Variants in DCDC2C observed in about 807,000 individuals in gnomAD.
The protein encoded by DCDC2C is doublecortin domain-containing protein 2C.
A neutral mutation model predicts 45.0 loss-of-function variants in DCDC2C; 44 were observed. That is an observed-to-expected ratio of 0.98 (90% CI 0.77 to 1.26). The LOEUF (loss-of-function observed/expected upper bound fraction) is 1.26. Ranked by LOEUF, DCDC2C falls within the 50% of genes most tolerant of loss-of-function variation. The probability of loss-of-function intolerance (pLI) is 0.00; values close to 1 mark genes in which losing one functional copy is unlikely to be tolerated. For synonymous variants in DCDC2C, 187 were observed against 178.8 expected (o/e 1.05, Z -0.37); for missense variants, 447 against 468.9 (o/e 0.95, Z 0.43).
intron 3 of DCDC2C, among the ~76,000 whole-genome samples, chr2:3,740,986 T>C (rs1669189325): frequency 6.6e-6 from 1 of 152,200 alleles, no homozygotes; most frequent in African/African-American, 2.4e-5. Flanking sequence ...CATTTATTAT[T>C]TTTAGACTCG....
chr2:3,830,520 G>A (rs868653927), intron 10 of DCDC2C, among the ~76,000 whole-genome samples: 1 of 152,322 alleles, frequency 6.6e-6, no homozygotes, highest in East Asian at 1.9e-4. Context: ...CAAGGAATTA[G>A]ATGCTCCTTC....
At chr2:3,717,557 C>A (rs1267961512) in intron 2 of DCDC2C, among the ~76,000 whole-genome samples, 1 of 151,580 alleles carries the variant, frequency 6.6e-6, no homozygotes, top group Non-Finnish European at 1.5e-5. Context: ...AGTTTGGTCA[C>A]CTGGAAGGAG....
Position 3,769,038 on chromosome 2 carries a change from A to T in DCDC2C, c.854-273A>T, listed in dbSNP as rs1303884936. 6 of 357,942 alleles carry T rather than the reference A, an allele frequency of 1.7e-5. No individual in the cohort carries two copies. The Admixed American group carries it at 2.3e-4, about 13-fold the overall frequency. 22.2% of individuals were successfully genotyped at this position (357,942 alleles called of 1,614,324 possible). On this transcript the variant is annotated intron_variant, in intron 7 of 10. Coordinates refer to ENST00000399143, the MANE Select transcript of DCDC2C (RefSeq NM_001287444.2). ...CTACCATGGTGGGCACAGCAATTGC[A>T]TGACTTTCAGGGTCCAGGACCTTCA...
intron 3 of DCDC2C, among the ~76,000 whole-genome samples, chr2:3,731,378 C>A (rs770353211): frequency 6.6e-6 from 1 of 152,174 alleles, no homozygotes; most frequent in African/African-American, 2.4e-5. Flanking sequence ...GCACTGGCCA[C>A]GTGACAGGAG....
intron 6 of DCDC2C, 94 bp from the exon 7 acceptor site, chr2:3,767,660 A>G (rs10180257): frequency 0.69 from 968,518 of 1,409,550 alleles, 334,387 homozygotes; most frequent in South Asian, 0.81. Context: ...TCTCTGAGGA[A>G]CTTGTGTCTT....
intron 6 of DCDC2C, among the ~76,000 whole-genome samples, chr2:3,760,761 G>A (rs909913393): frequency 2.6e-5 from 4 of 151,906 alleles, no homozygotes; most frequent in African/African-American, 9.7e-5. Context: ...TGGGTTGATA[G>A]GTGCAGCAAA....
intron 4 of DCDC2C, among the ~76,000 whole-genome samples, chr2:3,751,026 G>C (rs1177818118): frequency 6.6e-6 from 1 of 152,068 alleles, no homozygotes; most frequent in Admixed American, 6.5e-5. Context: ...TTCTTTCCAC[G>C]ACTTGTGTTT....
At chr2:3,750,015 A>G (rs1170498683) in intron 4 of DCDC2C, among the ~76,000 whole-genome samples, 1 of 121,094 alleles carries the variant, frequency 8.3e-6, no homozygotes, top group African/African-American at 3.2e-5. Flanking sequence ...CCTCCACCCC[A>G]AGCCATCAGC....
Position 3,821,209 on chromosome 2 carries a change from A to G in DCDC2C, c.1066-25945A>G, listed in dbSNP as rs1261531919. On this transcript the variant is annotated intron_variant, in intron 10 of 10. Coordinates refer to ENST00000399143, the MANE Select transcript of DCDC2C (RefSeq NM_001287444.2). ...CCAGGAGAAGGAATTTCACAAGGTA[A>G]TGTCATCAGTTAAGGCAGGAACTAG... Among the ~76,000 whole-genome samples, 3 of 152,278 alleles carry G rather than the reference A, an allele frequency of 2.0e-5. No homozygotes were observed. In the East Asian group the frequency reaches 5.8e-4, roughly 29 times the overall value.
At chr2:3,719,904 G>A (rs1668447710) in intron 2 of DCDC2C, among the ~76,000 whole-genome samples, 1 of 152,252 alleles carries the variant, frequency 6.6e-6, no homozygotes, top group Non-Finnish European at 1.5e-5. Context: ...TGGGATGCTG[G>A]AGGAGGGACC....
At chr2:3,846,981 G>A (rs530746736) in intron 10 of DCDC2C, among the ~76,000 whole-genome samples, 173 bp from the exon 11 acceptor site, 11 of 152,174 alleles carry the variant, frequency 7.2e-5, no homozygotes, top group African/African-American at 9.7e-5. Flanking sequence ...TGGGTGTGCC[G>A]TGAGGAGCTG....
intron 2 of DCDC2C, among the ~76,000 whole-genome samples, chr2:3,722,930 A>T (rs927092236): frequency 6.6e-6 from 1 of 152,202 alleles, no homozygotes; most frequent in African/African-American, 2.4e-5. Context: ...CTAGGTCTGT[A>T]AATTCATGTT....
intron 10 of DCDC2C, among the ~76,000 whole-genome samples, chr2:3,834,236 CTT>C (rs1229107032): frequency 1.3e-5 from 2 of 152,158 alleles, no homozygotes; most frequent in Non-Finnish European, 2.9e-5. Flanking sequence ...AGGGCTCTCT[CTT>C]GGTGTTCCAC....
At chr2:3,780,976 C>T (rs766547566) in intron 9 of DCDC2C, among the ~76,000 whole-genome samples, 24 of 152,202 alleles carry the variant, frequency 1.6e-4, no homozygotes, top group Non-Finnish European at 2.8e-4. Context: ...ACCGTTGCTT[C>T]GCTGGCGCCA....
At chr2:3,798,473 C>G (rs1354667100) in intron 10 of DCDC2C, among the ~76,000 whole-genome samples, 2 of 151,308 alleles carry the variant, frequency 1.3e-5, no homozygotes, top group Admixed American at 1.3e-4. Context: ...TCTCGATGGT[C>G]TTTACATTTT....
At position 3,767,796 on chromosome 2, in the gene DCDC2C, C is replaced by A. The variant is rs1045474792; in HGVS notation, c.769C>A (p.Pro257Thr). 5 of 1,549,096 alleles carry A rather than the reference C, an allele frequency of 3.2e-6. No homozygotes were observed. The highest frequency in any genetic ancestry group is 2.7e-5 in the African/African-American group (2 of 72,830). Residue 257 changes from proline to threonine, a missense_variant, in exon 7 of 11, where the codon CCC becomes ACC. Pro to Thr is a conservative substitution (Grantham distance 38). Coordinates refer to ENST00000399143, the MANE Select transcript of DCDC2C (RefSeq NM_001287444.2). Reference sequence around the variant, plus strand: ...AGAACCTTGTAAATATGATGGCATACCCCCTAAAACACAGGATTCTGTTTA... The same window carrying A: ...AGAACCTTGTAAATATGATGGCATAACCCCTAAAACACAGGATTCTGTTTA... The part of the protein sequence containing the change: ...GKEPCKYDGI[P>T]PKTQDSVYYA...
intron 10 of DCDC2C, among the ~76,000 whole-genome samples, chr2:3,843,912 A>C (rs1462808163): frequency 6.6e-6 from 1 of 152,200 alleles, no homozygotes; most frequent in Non-Finnish European, 1.5e-5. Context: ...TTGCACTTGT[A>C]ATACCCTATG....
At chr2:3,722,103 G>T (rs879904040) in intron 2 of DCDC2C, among the ~76,000 whole-genome samples, 2 of 152,206 alleles carry the variant, frequency 1.3e-5, no homozygotes, top group Non-Finnish European at 2.9e-5. Flanking sequence ...ACTTTATGAG[G>T]TGTGCACTAC....
intron 3 of DCDC2C, 90 bp from the exon 4 acceptor site, chr2:3,741,830 A>G (rs939454458): frequency 2.2e-6 from 3 of 1,346,120 alleles, no homozygotes; most frequent in Admixed American, 2.5e-5. Context: ...CATTGTTTTT[A>G]CAGTTCTGTA....
Sources: allele counts gnomAD v4.1 joint callset (sites outside exome capture counted in the v4.1 genomes callset), GRCh38; gene constraint gnomAD v4.1.1; transcripts MANE v1.5; gene names NCBI Gene and HGNC (gene_info 2026-07-23, HGNC 2026-07-21).